Variants in CIB2 observed in about 807,000 individuals in gnomAD.
CIB2 encodes calcium and integrin binding family member 2.
CIB2 carries 19 observed loss-of-function variants against 23.1 expected under a neutral mutation model. That is an observed-to-expected ratio of 0.82 (90% CI 0.57 to 1.21). CIB2 has a LOEUF of 1.21. Among genes scored for constraint, CIB2 ranks in the 50% most tolerant of loss-of-function variants. The pLI is 0.00. For synonymous variants in CIB2, 94 were observed against 91.7 expected (o/e 1.03, Z -0.14); for missense variants, 220 against 241.5 (o/e 0.91, Z 0.59).
At position 78,109,378 on chromosome 15, in the gene CIB2, T is replaced by A. The variant is rs1198305810; in HGVS notation, c.203A>T (p.Asn68Ile). ...LIIQMPELRENPFKERIVAAF... is the reference protein window; with the variant it reads ...LIIQMPELREIPFKERIVAAF... ...CGCCACGATCCTTTCTTTGAAGGGATTCTCCTGAAGAAAACACACACAGCA... is the reference window on the plus strand; with the variant it reads ...CGCCACGATCCTTTCTTTGAAGGGAATCTCCTGAAGAAAACACACACAGCA... The change falls in exon 4 of 6, where the codon AAT (asparagine) becomes ATT (isoleucine). Residue 68 changes from asparagine to isoleucine, a missense_variant. By Grantham distance (149) the Asn-to-Ile change is moderately radical. Transcript: ENST00000258930. 4 of 1,613,926 alleles carry A rather than the reference T, an allele frequency of 2.5e-6. No homozygotes were observed. In the African/African-American group the frequency reaches 5.3e-5, roughly 22 times the overall value.
intron 2 of CIB2, among the ~76,000 whole-genome samples, chr15:78,118,108 T>C (rs1016317083): frequency 6.6e-6 from 1 of 152,120 alleles, no homozygotes; most frequent in South Asian, 2.1e-4. Flanking sequence ...ATATTGAAAG[T>C]TGTTCGCAAG....
intron 1 of CIB2, among the ~76,000 whole-genome samples, chr15:78,129,031 C>G (rs1268020428): frequency 6.6e-6 from 1 of 152,054 alleles, no homozygotes; most frequent in Non-Finnish European, 1.5e-5. Flanking sequence ...TGGGGGATGG[C>G]CGTACAATGC....
In CIB2 at chr15:78,123,739, C is replaced by G. The variant is rs947632319; in HGVS notation, c.52G>C (p.Asp18His). 4 of 1,614,024 alleles carry G rather than the reference C, an allele frequency of 2.5e-6. No individual in the cohort carries two copies. The Admixed American group carries it at 5.0e-5, about 20-fold the overall frequency. Residue 18 changes from aspartate to histidine, a missense_variant and splice_region_variant, in exon 2 of 6, where the codon GAC becomes CAC. Asp to His is a moderately conservative substitution (Grantham distance 81). Coordinates refer to ENST00000258930, the MANE Select transcript of CIB2 (RefSeq NM_006383.4). ...TCCTTCTTATTGAAGAAGGTGCAGT[C>G]CTGTTGAGGGAAAACACACAACACA... is the stretch of plus-strand genomic sequence containing the variant. ...FTEEQLDNYQDCTFFNKKDIL... is the reference protein window; with the variant it reads ...FTEEQLDNYQHCTFFNKKDIL...
intron 3 of CIB2, among the ~76,000 whole-genome samples, chr15:78,109,918 G>A (rs931094086): frequency 6.6e-6 from 1 of 152,004 alleles, no homozygotes; most frequent in Non-Finnish European, 1.5e-5. Context: ...ACCCAGAAGA[G>A]CACACAGAGG....
At chr15:78,130,574 A>C (rs1202152342) in intron 1 of CIB2, among the ~76,000 whole-genome samples, 1 of 152,142 alleles carries the variant, frequency 6.6e-6, no homozygotes, top group African/African-American at 2.4e-5. Context: ...TGAGGGCCTA[A>C]GGGAGCTGGG....
chr15:78,130,235 A>G (rs1222867088), intron 1 of CIB2, among the ~76,000 whole-genome samples: 7 of 147,050 alleles, frequency 4.8e-5, no homozygotes, highest in African/African-American at 1.9e-4. Context: ...AGGGTGAAAG[A>G]GATCCTCTGG....
At position 78,120,547 on chromosome 15, in the gene CIB2, G is replaced by A. The variant is rs961401649; in HGVS notation, c.86+3158C>T. On this transcript the variant is annotated intron_variant, in intron 2 of 5. Coordinates refer to ENST00000258930, the MANE Select transcript of CIB2 (RefSeq NM_006383.4). ...ACAGCCTAATTAGGGCACAAGGGAAGTTGAAGTGCTAAGCTCTTACCTATA... is the reference window on the plus strand; with the variant it reads ...ACAGCCTAATTAGGGCACAAGGGAAATTGAAGTGCTAAGCTCTTACCTATA... 5.0e-5 allele frequency: 49 copies of A among 985,386 alleles called. No homozygotes were observed. The African/African-American group carries it at 8.2e-4, about 16-fold the overall frequency. 61.0% of individuals were successfully genotyped at this position (985,386 alleles called of 1,614,324 possible).
At chr15:78,109,409 T>C in intron 3 of CIB2, 27 bp from the exon 4 acceptor site, 2 of 1,613,374 alleles carry the variant, frequency 1.2e-6, no homozygotes, top group East Asian at 2.2e-5. Flanking sequence ...CAGCAATCAC[T>C]GTGGGTGCAG....
intron 2 of CIB2, among the ~76,000 whole-genome samples, chr15:78,113,445 G>C (rs1032384095): frequency 6.6e-6 from 1 of 152,064 alleles, no homozygotes; most frequent in African/African-American, 2.4e-5. Flanking sequence ...TTCTTGCATA[G>C]AGGAAAACTA....
chr15:78,131,149 G>T lies in CIB2; in HGVS notation c.51+16C>A. 1 of 1,579,764 alleles carries T rather than the reference G, an allele frequency of 6.3e-7. No homozygotes were observed. On this transcript the variant is annotated intron_variant, in intron 1 of 5. Transcript: ENST00000258930. This position sits in a 1 kb window ranked among gnomAD's most constrained non-coding sequence, Gnocchi z 5.8. Reference sequence around the variant, plus strand: ...GCGGCGGGGCCTGTGTTGGGGGCCGGGCGCGCCGAGCTCACCTGGTAGTTG... The same window carrying T: ...GCGGCGGGGCCTGTGTTGGGGGCCGTGCGCGCCGAGCTCACCTGGTAGTTG...
chr15:78,120,096 G>T (rs957064995), intron 2 of CIB2, among the ~76,000 whole-genome samples: 1 of 151,832 alleles, frequency 6.6e-6, no homozygotes, highest in African/African-American at 2.4e-5. Flanking sequence ...AGAGACAGGG[G>T]TCTCACCATG....
At chr15:78,108,736 C>T (rs915265334) in intron 4 of CIB2, among the ~76,000 whole-genome samples, 6 of 152,208 alleles carry the variant, frequency 3.9e-5, no homozygotes, top group African/African-American at 1.4e-4. Context: ...TCACTGGAAA[C>T]CTTGCAGTGG....
At chr15:78,129,542 C>T (rs1363074401) in intron 1 of CIB2, among the ~76,000 whole-genome samples, 1 of 152,180 alleles carries the variant, frequency 6.6e-6, no homozygotes, top group East Asian at 1.9e-4. Context: ...GACCTATCTT[C>T]CCAAGGCCTG....
intron 2 of CIB2, among the ~76,000 whole-genome samples, chr15:78,123,490 G>A (rs1286232502): frequency 6.6e-6 from 1 of 152,176 alleles, no homozygotes; most frequent in African/African-American, 2.4e-5. Context: ...GTAAGTAGAT[G>A]TTCATTCCCC....
chr15:78,106,897 G>T (rs995937736), intron 4 of CIB2, among the ~76,000 whole-genome samples: 5 of 152,094 alleles, frequency 3.3e-5, no homozygotes, highest in African/African-American at 4.8e-5. Flanking sequence ...ACAAAACTAT[G>T]AGGCAGGCAC....
At chr15:78,113,537 T>TTTC (rs757432232) in intron 2 of CIB2, among the ~76,000 whole-genome samples, 4,055 of 47,292 alleles carry the variant, frequency 0.086, 132 homozygotes, top group African/African-American at 0.17. Context: ...TCTTTCTTTC[T>TTTC]TTTTTTTTTT....
At position 78,117,246 on chromosome 15, in the gene CIB2, C is replaced by CAAAAAAAAAA. The variant is rs60332437; in HGVS notation, c.87-5980_87-5971dup. ...GTTAAGTGTTTCTTCAAGCTACTGGCAAAAAAAAAAAAAAAAAAAAAAAAA... is the reference window on the plus strand; with the variant it reads ...GTTAAGTGTTTCTTCAAGCTACTGGCAAAAAAAAAAAAAAAAAAAAAAAAAAAAAAAAAAA... On this transcript the variant is annotated intron_variant, in intron 2 of 5. Coordinates refer to ENST00000258930, the MANE Select transcript of CIB2 (RefSeq NM_006383.4). 1.0e-3 allele frequency among the ~76,000 whole-genome samples: 56 copies of CAAAAAAAAAA among 55,472 alleles called. 7 individuals are homozygous for CAAAAAAAAAA. The highest frequency in any genetic ancestry group is 5.0e-3 in the East Asian group (4 of 800). The allele number at this position is 55,472 out of a possible 152,430, so 36.4% of individuals were successfully genotyped here.
chr15:78,125,939 T>G (rs2074374954), intron 1 of CIB2, among the ~76,000 whole-genome samples: 1 of 152,178 alleles, frequency 6.6e-6, no homozygotes, highest in African/African-American at 2.4e-5. Context: ...GTACATGATG[T>G]ACCATGCACC....
chr15:78,118,144 A>T (rs568107179), intron 2 of CIB2, among the ~76,000 whole-genome samples: 1 of 152,348 alleles, frequency 6.6e-6, no homozygotes, highest in East Asian at 1.9e-4. Context: ...AGCAGAAGGT[A>T]CAGTATAATC....
Sources: allele counts gnomAD v4.1 joint callset (sites outside exome capture counted in the v4.1 genomes callset), GRCh38; gene constraint gnomAD v4.1.1; non-coding constraint Gnocchi (gnomAD v3.1); transcripts MANE v1.5; gene names NCBI Gene and HGNC (gene_info 2026-07-23, HGNC 2026-07-21).